TRARG1: variants seen among roughly 807,000 people sequenced by gnomAD.
The protein encoded by TRARG1 is trafficking regulator of GLUT4 1.
Under a neutral mutation model 13.3 loss-of-function variants are expected in TRARG1, and 16 were observed. The ratio of observed to expected loss-of-function variants is 1.20; its 90% CI spans 0.81 to 1.83. TRARG1 has a LOEUF of 1.83. Ranked by LOEUF, TRARG1 falls within the 40% of genes most tolerant of loss-of-function variation. TRARG1 has a pLI of 0.00. For synonymous variants in TRARG1, 113 were observed against 106.2 expected, an observed-to-expected ratio of 1.06 and a Z score of -0.39; for missense variants, 250 against 237.4, an observed-to-expected ratio of 1.05 and a Z score of -0.35.
At chr17:1,297,894 C>T (rs1356245974) in intron 2 of TRARG1, among the ~76,000 whole-genome samples, 1 of 152,144 alleles carries the variant, frequency 6.6e-6, no homozygotes, top group Non-Finnish European at 1.5e-5. Flanking sequence ...CGTGAGCTGC[C>T]GCAGCCGACC....
intron 2 of TRARG1, among the ~76,000 whole-genome samples, chr17:1,296,353 C>G (rs1337082240): frequency 6.6e-6 from 1 of 151,788 alleles, no homozygotes; most frequent in Non-Finnish European, 1.5e-5. Context: ...CCAGCCACCA[C>G]GCCCGACTAA....
intron 2 of TRARG1, 122 bp downstream of exon 2, chr17:1,295,745 C>T: frequency 4.9e-6 from 6 of 1,230,106 alleles, no homozygotes; most frequent in Non-Finnish European, 6.6e-6. Context: ...CTGGTGGGGG[C>T]CCCGGCCTTA....
chr17:1,295,657 G>T (rs748552767), intron 2 of TRARG1, 34 bp downstream of exon 2: 1 of 1,593,618 alleles, frequency 6.3e-7, no homozygotes, highest in South Asian at 1.1e-5. Context: ...GAGGAAGCCA[G>T]CTTGCCTGGT....
chr17:1,291,814 G>C (rs1836667557), intron 1 of TRARG1, among the ~76,000 whole-genome samples: 1 of 152,172 alleles, frequency 6.6e-6, no homozygotes, highest in South Asian at 2.1e-4. Context: ...TGGTGCTTTG[G>C]AGAAACAGCC....
rs1363524132 is a variant in TRARG1 at position 1,282,298 on chromosome 17, A to G, written c.387+1910A>G. On this transcript the variant is annotated intron_variant, in intron 1 of 2. Transcript: ENST00000333813. ...CACGTATATGTACATATATGTACGT[A>G]TATGTACATATGCGTATATATGTAC... 1.2e-4 allele frequency among the ~76,000 whole-genome samples: 18 copies of G among 152,022 alleles called. No individual in the cohort carries two copies. The East Asian group carries it at 3.1e-3, about 26-fold the overall frequency.
chr17:1,295,440 C>G lies in TRARG1; in HGVS notation c.388-51C>G, dbSNP rs758305531. ...GGGCTGCCTGCTGAGGCCCATGAAGCTGACCCACAGCCTTCCCGGTTCCCG... is the reference window on the plus strand; with the variant it reads ...GGGCTGCCTGCTGAGGCCCATGAAGGTGACCCACAGCCTTCCCGGTTCCCG... On this transcript the variant is annotated intron_variant, in intron 1 of 2. Coordinates refer to ENST00000333813, the MANE Select transcript of TRARG1 (RefSeq NM_172367.3). 1.9e-6 allele frequency: 3 copies of G among 1,542,512 alleles called. No individual in the cohort carries two copies. The East Asian group carries it at 6.9e-5, about 35-fold the overall frequency.
At chr17:1,292,093 G>A (rs1029969024) in intron 1 of TRARG1, among the ~76,000 whole-genome samples, 2 of 151,640 alleles carry the variant, frequency 1.3e-5, no homozygotes, top group African/African-American at 2.4e-5. Flanking sequence ...GCTTGAACCC[G>A]GCAGGCGGAG....
chr17:1,286,023 C>T (rs1300395774), intron 1 of TRARG1, among the ~76,000 whole-genome samples: 1 of 152,078 alleles, frequency 6.6e-6, no homozygotes, highest in South Asian at 2.1e-4. Flanking sequence ...GATGGAGGGG[C>T]CTTGGCAAAA....
At chr17:1,282,806 C>T (rs903461049) in intron 1 of TRARG1, among the ~76,000 whole-genome samples, 1 of 152,272 alleles carries the variant, frequency 6.6e-6, no homozygotes, top group African/African-American at 2.4e-5. Context: ...TCTCCTGCCT[C>T]AGCCTCCCAA....
chr17:1,282,022 A>G (rs556886202), intron 1 of TRARG1, among the ~76,000 whole-genome samples: 1 of 142,260 alleles, frequency 7.0e-6, no homozygotes, highest in Admixed American at 7.1e-5. Context: ...GTACATATAC[A>G]TATGTACATA....
At chr17:1,282,611 C>T (rs537510038) in intron 1 of TRARG1, among the ~76,000 whole-genome samples, 1 of 151,630 alleles carries the variant, frequency 6.6e-6, no homozygotes, top group African/African-American at 2.4e-5. Flanking sequence ...CCTCGTGATC[C>T]ACCCACCTCG....
chr17:1,298,134 C>T, intron 2 of TRARG1, 117 bp from the exon 3 acceptor site: 1 of 1,265,508 alleles, frequency 7.9e-7, no homozygotes, highest in Non-Finnish European at 1.1e-6. Context: ...TAGCCTTCTC[C>T]CCTTATCCCT....
At chr17:1,297,399 A>G (rs4790833) in intron 2 of TRARG1, among the ~76,000 whole-genome samples, 115,320 of 151,698 alleles carry the variant, frequency 0.76, 44,017 homozygotes, top group East Asian at 0.91. Context: ...CAGCGTGCCC[A>G]GCTTCAGAAT....
intron 1 of TRARG1, among the ~76,000 whole-genome samples, chr17:1,284,320 G>A (rs2072005423): frequency 6.6e-6 from 1 of 152,178 alleles, no homozygotes; most frequent in Admixed American, 6.5e-5. Context: ...CACTTTGCAT[G>A]TCGTCTTCAA....
intron 1 of TRARG1, among the ~76,000 whole-genome samples, chr17:1,287,505 G>A (rs1033068955): frequency 2.7e-5 from 4 of 149,048 alleles, no homozygotes; most frequent in African/African-American, 9.9e-5. Context: ...GGACTACAGG[G>A]GCCCACTACC....
intron 1 of TRARG1, among the ~76,000 whole-genome samples, chr17:1,286,617 GTGT>G (rs764253677): frequency 0.15 from 15,835 of 106,206 alleles, 1,516 homozygotes; most frequent in African/African-American, 0.25. Flanking sequence ...GGCCTGTGGG[GTGT>G]TGTTTTCGGC....
intron 1 of TRARG1, among the ~76,000 whole-genome samples, chr17:1,285,303 C>T (rs1598189692): frequency 6.6e-6 from 1 of 151,776 alleles, no homozygotes; most frequent in Non-Finnish European, 1.5e-5. Flanking sequence ...CCCAGCTACT[C>T]AGGAGGCTGA....
chr17:1,287,591 G>C (rs2072033418), intron 1 of TRARG1, among the ~76,000 whole-genome samples: 1 of 151,768 alleles, frequency 6.6e-6, no homozygotes, highest in African/African-American at 2.4e-5. Flanking sequence ...TCAATCTCCT[G>C]ACCTCGTGAT....
In TRARG1 at chr17:1,299,544, G is replaced by C. The variant is rs1222313477; in HGVS notation, c.*1280G>C. On this transcript the variant is annotated 3_prime_UTR_variant, in exon 3 of 3. Coordinates refer to ENST00000333813, the MANE Select transcript of TRARG1 (RefSeq NM_172367.3). Reference sequence around the variant, plus strand: ...GGACCTAATGGGACCCCCGAAAGGAGCCAAGTGGGGCCCTCGGCCTCTTCC... The same window carrying C: ...GGACCTAATGGGACCCCCGAAAGGACCCAAGTGGGGCCCTCGGCCTCTTCC... 1 of 152,048 alleles carries C rather than the reference G, an allele frequency of 6.6e-6. No individual in the cohort carries two copies. The highest frequency in any genetic ancestry group is 1.5e-5 in the Non-Finnish European group (1 of 68,040). The allele number at this position is 152,048 out of a possible 1,614,324, so 9.4% of individuals were successfully genotyped here.
Sources: gnomAD v4.1 joint callset for allele counts (sites outside exome capture counted in the v4.1 genomes callset) on GRCh38, gnomAD v4.1.1 for gene constraint, MANE v1.5 for transcripts, NCBI Gene and HGNC (gene_info 2026-07-23, HGNC 2026-07-21) for gene names.